CACNA2D4: variants seen among roughly 807,000 people sequenced by gnomAD.
The protein encoded by CACNA2D4 is calcium voltage-gated channel auxiliary subunit alpha2delta 4.
In CACNA2D4, 157 loss-of-function variants were observed where a neutral mutation model predicts 163.8. The observed-to-expected ratio is 0.96, with a 90% CI of 0.84 to 1.09. CACNA2D4 has a LOEUF of 1.09. CACNA2D4 is among the 50% of genes least tolerant of loss of function. The pLI is 0.00. For synonymous variants in CACNA2D4, 598 were observed against 586.9 expected (o/e 1.02, Z -0.27); for missense variants, 1,410 against 1,479.9 (o/e 0.95, Z 0.78).
In CACNA2D4 at chr12:1,860,200, C is replaced by T. The variant is rs1314831440; in HGVS notation, c.1885G>A (p.Val629Ile). The T allele has an allele frequency of 6.2e-7, 1 of 1,613,512 alleles. No individual in the cohort carries two copies. Among genetic ancestry groups the T allele is most frequent in the Non-Finnish European group, 8.5e-7 (1 of 1,179,650 alleles). ...AAGTAGTCATTGGTCAGGAAAAGAA[C>T]TCGCTTCTGAAAGAGTAGACAAGGA... ...VKVPMDKGKR[V>I]LFLTNDYFFT... The change falls in exon 19 of 38, where the codon GTT becomes ATT. Residue 629 changes from valine to isoleucine, a missense_variant. Val to Ile is a conservative substitution (Grantham distance 29). Coordinates refer to ENST00000382722, the MANE Select transcript of CACNA2D4 (RefSeq NM_172364.5).
intron 18 of CACNA2D4, 81 bp from the exon 19 acceptor site, chr12:1,860,287 G>A (rs976856281): frequency 7.9e-6 from 8 of 1,006,906 alleles, no homozygotes; most frequent in African/African-American, 1.6e-5. Flanking sequence ...GGCTCTTGGG[G>A]TCTTCATCGT....
rs1014585391 is a variant in CACNA2D4, at chr12:1,843,359, G to A, written c.2470+1043C>T. ...CTTGAGGATGGTTTGGCAAAGTGGT[G>A]GTGGAAGGCCTTTGGCAGAAGGGCG... On this transcript the variant is annotated intron_variant, in intron 25 of 37. Coordinates refer to ENST00000382722, the MANE Select transcript of CACNA2D4 (RefSeq NM_172364.5). The surrounding 1 kb of genome is among the most constrained non-coding windows in gnomAD (Gnocchi z 4.6). 6.6e-6 allele frequency among the ~76,000 whole-genome samples: 1 copy of A among 152,180 alleles called. No homozygotes were observed. Among genetic ancestry groups the A allele is most frequent in the African/African-American group, 2.4e-5 (1 of 41,442 alleles).
chr12:1,858,551 TC>T, intron 20 of CACNA2D4, 25 bp downstream of exon 20: 1 of 1,608,672 alleles, frequency 6.2e-7, no homozygotes, highest in Non-Finnish European at 8.5e-7. Context: ...TGCTTAACTG[TC>T]CCTCAGCCCC....
intron 1 of CACNA2D4, chr12:1,918,018 G>T (rs1480599002): frequency 5.9e-6 from 3 of 509,328 alleles, no homozygotes; most frequent in African/African-American, 2.0e-5. Flanking sequence ...TCCGGCTCCT[G>T]GGGAGAGGCA....
At chr12:1,909,182 ATTTATTTGT>A (rs1866750415) in intron 4 of CACNA2D4, among the ~76,000 whole-genome samples, 1 of 137,604 alleles carries the variant, frequency 7.3e-6, no homozygotes, top group African/African-American at 3.4e-5. Flanking sequence ...GTGTTTGTTT[ATTTATTTGT>A]TTATTTATTT....
chr12:1,821,836 C>G (rs140677643), intron 26 of CACNA2D4, among the ~76,000 whole-genome samples: 5 of 152,270 alleles, frequency 3.3e-5, no homozygotes, highest in East Asian at 3.9e-4. Flanking sequence ...GTCTCTCCCC[C>G]ACCCCCAAGC....
At chr12:1,903,541 G>A (rs1043817655) in intron 6 of CACNA2D4, among the ~76,000 whole-genome samples, 11 of 151,646 alleles carry the variant, frequency 7.3e-5, no homozygotes, top group African/African-American at 1.2e-4. Flanking sequence ...TCAAATAATC[G>A]ATTTTTAAAT....
At chr12:1,801,685 A>G in intron 29 of CACNA2D4, 41 bp from the exon 30 acceptor site, 1 of 1,306,698 alleles carries the variant, frequency 7.7e-7, no homozygotes, top group Non-Finnish European at 1.1e-6. Flanking sequence ...AGGGAGAGAG[A>G]TGGAGCAGGA....
At chr12:1,824,386 G>A (rs920452837) in intron 26 of CACNA2D4, among the ~76,000 whole-genome samples, 8 of 152,172 alleles carry the variant, frequency 5.3e-5, no homozygotes, top group African/African-American at 1.9e-4. Flanking sequence ...AGTTGCAATG[G>A]TCTACACTCA....
chr12:1,892,400 C>A (rs117741486), intron 6 of CACNA2D4, among the ~76,000 whole-genome samples: 1 of 152,148 alleles, frequency 6.6e-6, no homozygotes, highest in Non-Finnish European at 1.5e-5. Context: ...ACTTGCTCTA[C>A]AAGAAATTCT....
intron 27 of CACNA2D4, 129 bp from the exon 28 acceptor site, chr12:1,810,716 A>T (rs1173440699): frequency 4.4e-6 from 4 of 914,946 alleles, no homozygotes; most frequent in Non-Finnish European, 6.9e-6. Context: ...GTGTATCTGC[A>T]CATGGAGGGC....
intron 6 of CACNA2D4, among the ~76,000 whole-genome samples, chr12:1,898,574 A>C (rs1239846566): frequency 3.2e-5 from 2 of 63,358 alleles, no homozygotes; most frequent in Non-Finnish European, 7.2e-5. Context: ...AACTAAAAAA[A>C]AACTAAACAA....
At chr12:1,873,134 C>A (rs1045443783) in intron 18 of CACNA2D4, among the ~76,000 whole-genome samples, 1 of 151,998 alleles carries the variant, frequency 6.6e-6, no homozygotes, top group African/African-American at 2.4e-5. Context: ...CTTGACAGCG[C>A]CCAGCCCAGT....
At chr12:1,822,106 A>T (rs1864128634) in intron 26 of CACNA2D4, 1 of 152,196 alleles carries the variant, frequency 6.6e-6, no homozygotes, top group Non-Finnish European at 1.5e-5. Context: ...CACTGCCAAA[A>T]GAGGGAGACC....
intron 6 of CACNA2D4, among the ~76,000 whole-genome samples, chr12:1,890,435 C>T (rs1313862324): frequency 6.6e-6 from 1 of 152,196 alleles, no homozygotes; most frequent in East Asian, 1.9e-4. Context: ...TGGCAATAAC[C>T]CCACTGCCCT....
At position 1,907,500 on chromosome 12, in the gene CACNA2D4, C is replaced by G. The variant is rs199921731; in HGVS notation, c.721G>C (p.Asp241His). ...AAATATTGCCAGGTCAACGTTGGGT[C>G]TCTCTGGAAGTTCTCCACGAAGACA... is the stretch of plus-strand genomic sequence containing the variant. ...NAVFVENFQR[D>H]PTLTWQYFGS... The change falls in exon 6 of 38, where the codon GAC becomes CAC. Residue 241 changes from aspartate to histidine, a missense_variant. Transcript: ENST00000382722. 2.5e-6 allele frequency: 4 copies of G among 1,613,786 alleles called. No individual in the cohort carries two copies. In the Admixed American group the frequency reaches 6.7e-5, roughly 27 times the overall value.
At chr12:1,800,165 C>A (rs1298329352) in intron 32 of CACNA2D4, 113 bp from the exon 33 acceptor site, 1 of 1,126,552 alleles carries the variant, frequency 8.9e-7, no homozygotes, top group Admixed American at 2.0e-5. Flanking sequence ...TCCAGGACAC[C>A]CTCTTCCCTG....
In CACNA2D4 at chr12:1,908,008, G is replaced by A. The variant is rs1565740454; in HGVS notation, c.516C>T (p.Asn172=). 14 of 1,613,970 alleles carry A rather than the reference G, an allele frequency of 8.7e-6. No homozygotes were observed. The highest frequency in any genetic ancestry group is 9.3e-6 in the Non-Finnish European group (11 of 1,179,840). ...CGAAGTTGCCCTTCTCGTCCCTCTC[G>A]TTGATCAGGACCGAGTTGTAATAGT... ...VFDYYNSVLI[N]ERDEKGNFVE... Residue 172 remains asparagine, a synonymous_variant, in exon 5 of 38, where the codon AAC becomes AAT. Coordinates refer to ENST00000382722, the MANE Select transcript of CACNA2D4 (RefSeq NM_172364.5).
intron 6 of CACNA2D4, among the ~76,000 whole-genome samples, chr12:1,904,609 G>A (rs904715039): frequency 4.6e-5 from 7 of 152,040 alleles, no homozygotes; most frequent in African/African-American, 1.7e-4. Flanking sequence ...ACCAAAGTGG[G>A]TAGATAAGGA....
Sources: gnomAD v4.1 joint callset for allele counts (sites outside exome capture counted in the v4.1 genomes callset) on GRCh38, gnomAD v4.1.1 for gene constraint, Gnocchi (gnomAD v3.1) non-coding constraint, MANE v1.5 for transcripts, NCBI Gene and HGNC (gene_info 2026-07-23, HGNC 2026-07-21) for gene names.